The following NUP62CL variants were observed in gnomAD, a reference collection of about 807,000 sequenced individuals.
NUP62CL encodes the protein nucleoporin 62 C-terminal like, also known as nucleoporin-62 C-terminal-like protein.
A neutral mutation model predicts 15.3 loss-of-function variants in NUP62CL; 13 were observed. The observed-to-expected ratio is 0.85, with a 90% CI of 0.55 to 1.35. The LOEUF is 1.35. Ranked by LOEUF, NUP62CL falls within the 40% of genes most tolerant of loss-of-function variation. NUP62CL has a pLI of 0.00. For synonymous variants in NUP62CL, 54 were observed against 49.2 expected (o/e 1.10, Z -0.41); for missense variants, 123 against 130.6 (o/e 0.94, Z 0.28).
At chrX:107,158,591 G>C (rs1303427896) in intron 4 of NUP62CL, among the ~76,000 whole-genome samples, 1 of 66,657 alleles carries the variant, frequency 1.5e-5, no homozygotes, top group Admixed American at 1.7e-4. Context: ...CGAGAACAAA[G>C]ACACAACATA....
chrX:107,188,013 G>A (rs2147814309), intron 2 of NUP62CL, among the ~76,000 whole-genome samples: 1 of 112,122 alleles, frequency 8.9e-6, no homozygotes, highest in African/African-American at 3.2e-5. Context: ...GATTTCATTG[G>A]AAAATTCTAC....
At chrX:107,141,765 A>G (rs1240566653) in intron 8 of NUP62CL, among the ~76,000 whole-genome samples, 2 of 111,647 alleles carry the variant, frequency 1.8e-5, no homozygotes, top group Non-Finnish European at 3.8e-5. Context: ...AGTAATTAAT[A>G]AAAATATTTT....
intron 8 of NUP62CL, among the ~76,000 whole-genome samples, chrX:107,127,709 A>G (rs1925421623): frequency 9.0e-6 from 1 of 111,641 alleles, no homozygotes; most frequent in Admixed American, 9.5e-5. Context: ...GTCAAAGAAC[A>G]CAATGTACTT....
At position 107,162,220 on chromosome X, in the gene NUP62CL, G is replaced by A. The variant is rs185894389; in HGVS notation, c.194+5429C>T. On this transcript the variant is annotated intron_variant, in intron 4 of 8. Coordinates refer to ENST00000372466, the MANE Select transcript of NUP62CL (RefSeq NM_017681.3). Reference sequence around the variant, plus strand: ...AACTTCGCAGAAACAAATGAAAAATGTCTCAAGGACTTGGAAGACAATAAT... The same window carrying A: ...AACTTCGCAGAAACAAATGAAAAATATCTCAAGGACTTGGAAGACAATAAT... Among the ~76,000 whole-genome samples, 598 of 110,522 alleles carry A rather than the reference G, an allele frequency of 5.4e-3. 6 individuals carry two copies. The highest frequency in any genetic ancestry group is 0.019 in the African/African-American group (580 of 30,459).
At chrX:107,159,817 AT>A (rs1406076540) in intron 4 of NUP62CL, among the ~76,000 whole-genome samples, 4 of 87,245 alleles carry the variant, frequency 4.6e-5, no homozygotes, top group Admixed American at 1.3e-4. Context: ...AGGGTATTCA[AT>A]TAGGAAAAGA....
chrX:107,180,752 A>C (rs973823015), intron 2 of NUP62CL, among the ~76,000 whole-genome samples: 4 of 111,242 alleles, frequency 3.6e-5, no homozygotes, highest in Non-Finnish European at 7.5e-5. Flanking sequence ...AAAGATGCAG[A>C]TGGGGAATAA....
chrX:107,157,637 A>G (rs1349962392), intron 4 of NUP62CL, among the ~76,000 whole-genome samples: 1 of 108,252 alleles, frequency 9.2e-6, no homozygotes, highest in Admixed American at 9.9e-5. Context: ...AGCGCTAAAC[A>G]TGGAAAGGAA....
chrX:107,145,148 A>C (rs1243522828), intron 8 of NUP62CL, among the ~76,000 whole-genome samples: 1 of 111,507 alleles, frequency 9.0e-6, no homozygotes, highest in Non-Finnish European at 1.9e-5. Context: ...AATTGATAGA[A>C]TATTTTTTCC....
chrX:107,157,990 T>C (rs1926252977), intron 4 of NUP62CL, among the ~76,000 whole-genome samples: 1 of 99,688 alleles, frequency 1.0e-5, no homozygotes, highest in South Asian at 5.1e-4. Context: ...TAGTCTCTGA[T>C]AAAACAGACT....
intron 1 of NUP62CL, among the ~76,000 whole-genome samples, chrX:107,200,512 A>C (rs770502294): frequency 2.8e-5 from 3 of 108,919 alleles, no homozygotes; most frequent in Non-Finnish European, 5.7e-5. Flanking sequence ...CCAGCTACTC[A>C]GGAGGCTGAG....
Position 107,199,915 on chromosome X carries a change from C to T in NUP62CL, c.-92+6358G>A, listed in dbSNP as rs1270200132. Among the ~76,000 whole-genome samples the T allele has an allele frequency of 3.6e-5, 4 of 111,835 alleles. No homozygotes were observed. In the East Asian group the frequency reaches 1.1e-3, roughly 31 times the overall value. ...TCTAAGCCTCAAAGCACAGTAATGACCCTATTTGTCAGTAATAGTTATGCA... is the reference window on the plus strand; with the variant it reads ...TCTAAGCCTCAAAGCACAGTAATGATCCTATTTGTCAGTAATAGTTATGCA... On this transcript the variant is annotated intron_variant, in intron 1 of 8. Coordinates refer to ENST00000372466, the MANE Select transcript of NUP62CL (RefSeq NM_017681.3).
intron 1 of NUP62CL, among the ~76,000 whole-genome samples, chrX:107,204,482 G>A (rs2147820970): frequency 9.1e-6 from 1 of 110,466 alleles, no homozygotes; most frequent in South Asian, 3.8e-4. Context: ...ACCTTGCCAG[G>A]GACAGATGAA....
intron 2 of NUP62CL, among the ~76,000 whole-genome samples, chrX:107,186,589 T>C (rs1927068306): frequency 8.9e-6 from 1 of 111,979 alleles, no homozygotes; most frequent in South Asian, 3.7e-4. Context: ...ATGAATTATA[T>C]AGTAGTAAAA....
intron 8 of NUP62CL, chrX:107,132,059 T>A: frequency 1.8e-6 from 2 of 1,091,630 alleles, no homozygotes; most frequent in Non-Finnish European, 2.5e-6. Context: ...ATTTGTAGCT[T>A]TCTACATGAA....
chrX:107,190,645 T>C (rs760185899), intron 2 of NUP62CL, among the ~76,000 whole-genome samples: 1 of 111,714 alleles, frequency 9.0e-6, no homozygotes, highest in South Asian at 3.8e-4. Flanking sequence ...TCAAAATCAA[T>C]CTTGAATACT....
Position 107,189,828 on chromosome X carries a change from G to GGGAAGGAAGGAA in NUP62CL, c.-48+3189_-48+3200dup, listed in dbSNP as rs147140354. 4.0e-3 allele frequency among the ~76,000 whole-genome samples: 214 copies of GGGAAGGAAGGAA among 53,742 alleles called. 4 individuals carry two copies. Among genetic ancestry groups the GGGAAGGAAGGAA allele is most frequent in the Middle Eastern group, 0.019 (2 of 103 alleles). 46.7% of individuals were successfully genotyped at this position (53,742 alleles called of 115,157 possible). On this transcript the variant is annotated intron_variant, in intron 2 of 8. Transcript: ENST00000372466. ...AGAGAGAGAAAGAAAGAAAGAAGGA[G>GGGAAGGAAGGAA]GGAAGGAAGGAAGGAAGGAAGGAAG...
chrX:107,123,472 T>G lies in NUP62CL; in HGVS notation c.*903A>C, dbSNP rs1002681406. 1 of 109,852 alleles carries G rather than the reference T, an allele frequency of 9.1e-6. No homozygotes were observed. The highest frequency in any genetic ancestry group is 9.7e-5 in the Admixed American group (1 of 10,282). 9.1% of individuals were successfully genotyped at this position (109,852 alleles called of 1,213,427 possible). On this transcript the variant is annotated 3_prime_UTR_variant, in exon 9 of 9. Coordinates refer to ENST00000372466, the MANE Select transcript of NUP62CL (RefSeq NM_017681.3). ...TAATAGTTAATTTCAGTATTACATGTTTTTTTTTAGGACATTACCTTTATT... is the reference window on the plus strand; with the variant it reads ...TAATAGTTAATTTCAGTATTACATGGTTTTTTTTAGGACATTACCTTTATT...
intron 8 of NUP62CL, among the ~76,000 whole-genome samples, chrX:107,147,128 T>A (rs967364087): frequency 8.9e-6 from 1 of 111,996 alleles, no homozygotes; most frequent in African/African-American, 3.2e-5. Context: ...ACTTCTATTA[T>A]CACTAATATG....
At chrX:107,201,315 T>C (rs1347984023) in intron 1 of NUP62CL, among the ~76,000 whole-genome samples, 3 of 111,309 alleles carry the variant, frequency 2.7e-5, no homozygotes, top group African/African-American at 9.8e-5. Flanking sequence ...TTTTTCATCA[T>C]CCTGAACAGA....
Sources: allele counts gnomAD v4.1 joint callset (sites outside exome capture counted in the v4.1 genomes callset), GRCh38; gene constraint gnomAD v4.1.1; transcripts MANE v1.5; gene names NCBI Gene and HGNC (gene_info 2026-07-23, HGNC 2026-07-21).